The following PTPRG variants were observed in gnomAD, a reference collection of about 807,000 sequenced individuals.
PTPRG encodes protein tyrosine phosphatase receptor type G.
PTPRG carries 102 observed loss-of-function variants against 165.3 expected under a neutral mutation model. The ratio of observed to expected loss-of-function variants is 0.62; its 90% CI spans 0.53 to 0.73. The LOEUF (loss-of-function observed/expected upper bound fraction) is 0.73. Among genes scored for constraint, PTPRG ranks in the 30% least tolerant of loss-of-function variants. The probability of loss-of-function intolerance (pLI) is 0.00; values close to 1 mark genes in which losing one functional copy is unlikely to be tolerated. For missense variants in PTPRG, 1,866 were observed against 1,861.4 expected (o/e 1.00, Z -0.05); for synonymous variants, 675 against 669.5 (o/e 1.01, Z -0.13).
chr3:62,195,052 T>C lies in PTPRG; in HGVS notation c.1219-10T>C. The C allele has an allele frequency of 1.2e-6, 2 of 1,613,324 alleles. No homozygotes were observed. Among genetic ancestry groups the C allele is most frequent in the Non-Finnish European group, 1.7e-6 (2 of 1,179,250 alleles). On this transcript the variant is annotated splice_polypyrimidine_tract_variant and intron_variant, in intron 9 of 29. Coordinates refer to ENST00000474889, the MANE Select transcript of PTPRG (RefSeq NM_002841.4). This position sits in a 1 kb window ranked among gnomAD's most constrained non-coding sequence, Gnocchi z 4.4. ...AACTAACTCACTGCTTTTTCCTTCT[T>C]TACTTACAGAAAGCCACCATTAGCC...
intron 3 of PTPRG, among the ~76,000 whole-genome samples, chr3:62,001,917 C>A (rs1382542627): frequency 2.0e-5 from 3 of 152,094 alleles, no homozygotes; most frequent in African/African-American, 4.8e-5. Flanking sequence ...ACCAACTGGC[C>A]CTTTACAGGA....
intron 12 of PTPRG, among the ~76,000 whole-genome samples, chr3:62,209,717 T>G (rs112699012): frequency 6.6e-6 from 1 of 152,186 alleles, no homozygotes; most frequent in African/African-American, 2.4e-5. Flanking sequence ...GAAGGGGTTA[T>G]TCAGCTGCCA....
intron 2 of PTPRG, among the ~76,000 whole-genome samples, chr3:61,824,320 TTTTA>T (rs1334239661): frequency 6.6e-6 from 1 of 152,192 alleles, no homozygotes; most frequent in African/African-American, 2.4e-5. Context: ...CAGGTTAAAT[TTTTA>T]TTTGTTTCCT....
chr3:61,862,144 C>T (rs139917552), intron 2 of PTPRG, among the ~76,000 whole-genome samples: 3 of 152,026 alleles, frequency 2.0e-5, no homozygotes, highest in African/African-American at 7.2e-5. Context: ...GAGCGCGAAC[C>T]CTGTTGTGAA....
chr3:61,782,361 A>G (rs2034570936), intron 2 of PTPRG, among the ~76,000 whole-genome samples: 1 of 152,250 alleles, frequency 6.6e-6, no homozygotes, highest in African/African-American at 2.4e-5. Flanking sequence ...GTGCTAATTT[A>G]ATAATAGATG....
chr3:62,030,397 G>A (rs932296676), intron 4 of PTPRG, among the ~76,000 whole-genome samples: 5 of 151,992 alleles, frequency 3.3e-5, no homozygotes, highest in Non-Finnish European at 7.4e-5. Flanking sequence ...GAGGTAGGGA[G>A]GAAGAAAAAT....
rs1314660224 is a variant in PTPRG, at chr3:62,210,600, G to C, written c.2155+6650G>C. Among the ~76,000 whole-genome samples the C allele has an allele frequency of 6.6e-6, 1 of 152,000 alleles. No individual in the cohort carries two copies. The highest frequency in any genetic ancestry group is 1.5e-5 in the Non-Finnish European group (1 of 67,994). On this transcript the variant is annotated intron_variant, in intron 12 of 29. Coordinates refer to ENST00000474889, the MANE Select transcript of PTPRG (RefSeq NM_002841.4). The surrounding 1 kb of genome is among the most constrained non-coding windows in gnomAD (Gnocchi z 4.1). ...CACTTGACCCTTGAAAAACAGTCTT[G>C]AACTGCTTATATCCACTTATACACG...
At chr3:62,128,298 A>G (rs1182279112) in intron 5 of PTPRG, among the ~76,000 whole-genome samples, 3 of 152,294 alleles carry the variant, frequency 2.0e-5, no homozygotes, top group South Asian at 2.1e-4. Context: ...GTATTACTGC[A>G]TAACTCCTTT....
intron 1 of PTPRG, among the ~76,000 whole-genome samples, chr3:61,693,943 G>A (rs1301912239): frequency 6.6e-6 from 1 of 151,044 alleles, no homozygotes; most frequent in African/African-American, 2.4e-5. Flanking sequence ...AGGAGGCAGA[G>A]GTTACAGTGA....
intron 6 of PTPRG, among the ~76,000 whole-genome samples, chr3:62,146,671 A>G (rs919654736): frequency 1.3e-5 from 2 of 151,418 alleles, no homozygotes; most frequent in Admixed American, 6.6e-5. Flanking sequence ...ATAGGAGTGC[A>G]GGGGTTGGCA....
chr3:62,071,541 C>G (rs554818772), intron 4 of PTPRG, among the ~76,000 whole-genome samples: 1 of 152,306 alleles, frequency 6.6e-6, no homozygotes, highest in South Asian at 2.1e-4. Context: ...TTTCGTGATA[C>G]ACTCAGTCAG....
At chr3:62,132,477 A>C (rs1703552473) in intron 5 of PTPRG, 125 bp from the exon 6 acceptor site, 1 of 758,722 alleles carries the variant, frequency 1.3e-6, no homozygotes, top group African/African-American at 1.7e-5. Context: ...GCCATGGTGT[A>C]TGTGAGACCT....
chr3:61,940,344 C>T (rs1341677789), intron 2 of PTPRG, among the ~76,000 whole-genome samples: 2 of 152,066 alleles, frequency 1.3e-5, no homozygotes, highest in African/African-American at 4.8e-5. Flanking sequence ...ATACTGAGTG[C>T]GTAATTAGTA....
chr3:62,269,852 G>C (rs551516492), intron 20 of PTPRG, among the ~76,000 whole-genome samples: 4 of 152,048 alleles, frequency 2.6e-5, no homozygotes, highest in African/African-American at 9.6e-5. Context: ...CAAGACCCCC[G>C]GTGGATGCTT....
At chr3:61,992,434 A>G (rs1209856014) in intron 3 of PTPRG, among the ~76,000 whole-genome samples, 1 of 152,114 alleles carries the variant, frequency 6.6e-6, no homozygotes, top group African/African-American at 2.4e-5. Flanking sequence ...ATCTCAGCTC[A>G]TTGCAACCTC....
At chr3:62,022,391 T>TA (rs2041717494) in intron 4 of PTPRG, among the ~76,000 whole-genome samples, 1 of 152,184 alleles carries the variant, frequency 6.6e-6, no homozygotes, top group African/African-American at 2.4e-5. Context: ...ACAATACCAG[T>TA]ATCTATGGGC....
intron 2 of PTPRG, among the ~76,000 whole-genome samples, chr3:61,758,539 C>G (rs2033714865): frequency 6.6e-6 from 1 of 152,164 alleles, no homozygotes; most frequent in African/African-American, 2.4e-5. Context: ...GCAACCTCTG[C>G]CTCCTGGGTT....
chr3:61,861,305 G>C (rs1039909198), intron 2 of PTPRG, among the ~76,000 whole-genome samples: 4 of 151,792 alleles, frequency 2.6e-5, no homozygotes, highest in Non-Finnish European at 4.4e-5. Flanking sequence ...TTCTTAGTGG[G>C]GAAAAAAAAA....
intron 2 of PTPRG, among the ~76,000 whole-genome samples, chr3:61,787,838 G>A (rs1317490436): frequency 6.6e-6 from 1 of 151,906 alleles, no homozygotes; most frequent in Non-Finnish European, 1.5e-5. Context: ...TGAACATGAC[G>A]GCTTTAGTGA....
Sources: gnomAD v4.1 joint callset for allele counts (sites outside exome capture counted in the v4.1 genomes callset) on GRCh38, gnomAD v4.1.1 for gene constraint, Gnocchi (gnomAD v3.1) non-coding constraint, MANE v1.5 for transcripts, NCBI Gene and HGNC (gene_info 2026-07-23, HGNC 2026-07-21) for gene names.